TRPC5: variants seen among roughly 807,000 people sequenced by gnomAD.
The protein encoded by TRPC5 is transient receptor potential cation channel subfamily C member 5.
In TRPC5, 9 loss-of-function variants were observed where a neutral mutation model predicts 56.5. The ratio of observed to expected loss-of-function variants is 0.16; its 90% confidence interval spans 0.10 to 0.28. The LOEUF (loss-of-function observed/expected upper bound fraction) is 0.28, where lower values mean the gene tolerates loss of function less well. TRPC5 is among the 10% of genes least tolerant of loss of function. The pLI, the probability that TRPC5 is intolerant of heterozygous loss-of-function variation, is 1.00. For synonymous variants in TRPC5, 282 were observed against 278.5 expected (o/e 1.01, Z -0.13); for missense variants, 469 against 748.9 (o/e 0.63, Z 4.36).
chrX:112,060,449 C>T (rs995662370), intron 1 of TRPC5, among the ~76,000 whole-genome samples: 1 of 112,099 alleles, frequency 8.9e-6, no homozygotes, highest in Non-Finnish European at 1.9e-5. Context: ...GTAATGTTTT[C>T]CAATATTAAT....
chrX:111,901,059 G>A (rs1273194203), intron 3 of TRPC5, among the ~76,000 whole-genome samples: 8 of 111,256 alleles, frequency 7.2e-5, no homozygotes, highest in Admixed American at 3.8e-4. Flanking sequence ...AATTATCAAG[G>A]AACTAGTTTT....
intron 7 of TRPC5, among the ~76,000 whole-genome samples, chrX:111,782,838 C>CACACACAT (rs1300584306): frequency 9.1e-6 from 1 of 110,129 alleles, no homozygotes; most frequent in Non-Finnish European, 1.9e-5. Flanking sequence ...CACACACACA[C>CACACACAT]ACATCAGTGT....
At chrX:112,004,749 AT>A (rs1377229362) in intron 1 of TRPC5, among the ~76,000 whole-genome samples, 1 of 111,532 alleles carries the variant, frequency 9.0e-6, no homozygotes, top group Non-Finnish European at 1.9e-5. Flanking sequence ...TGTGAGCAAC[AT>A]TTCAATGAGA....
chrX:111,833,907 T>C (rs1439945089), intron 7 of TRPC5, among the ~76,000 whole-genome samples: 1 of 111,599 alleles, frequency 9.0e-6, no homozygotes, highest in Non-Finnish European at 1.9e-5. Context: ...GTTTATTTAT[T>C]TTGTACTTTC....
At chrX:112,027,654 G>A (rs868469897) in intron 1 of TRPC5, among the ~76,000 whole-genome samples, 20 of 110,682 alleles carry the variant, frequency 1.8e-4, no homozygotes, top group Non-Finnish European at 3.2e-4. Context: ...CCGCCACCAC[G>A]CCTGGCTAAT....
At chrX:111,887,901 ATAAG>A (rs1275920900) in intron 3 of TRPC5, among the ~76,000 whole-genome samples, 2 of 112,217 alleles carry the variant, frequency 1.8e-5, no homozygotes, top group African/African-American at 6.5e-5. Flanking sequence ...ATCATAATAA[ATAAG>A]TAAGCTATAC....
chrX:112,017,688 C>A (rs1419345806), intron 1 of TRPC5, among the ~76,000 whole-genome samples: 2 of 111,468 alleles, frequency 1.8e-5, no homozygotes, highest in Non-Finnish European at 3.8e-5. Flanking sequence ...ATCCACACAC[C>A]AGCAGCGTCT....
At chrX:111,913,745 G>A (rs1238411288) in intron 2 of TRPC5, among the ~76,000 whole-genome samples, 1 of 111,190 alleles carries the variant, frequency 9.0e-6, no homozygotes, top group Non-Finnish European at 1.9e-5. Context: ...CGGATCATGA[G>A]GTCAAGAGAT....
intron 3 of TRPC5, among the ~76,000 whole-genome samples, chrX:111,886,495 C>A (rs143182863): frequency 9.0e-6 from 1 of 111,403 alleles, no homozygotes; most frequent in Non-Finnish European, 1.9e-5. Context: ...TGAATTGTTG[C>A]ATGCTGTTTC....
chrX:111,977,530 G>T (rs760687893), intron 1 of TRPC5, among the ~76,000 whole-genome samples: 34 of 111,609 alleles, frequency 3.0e-4, no homozygotes, highest in Middle Eastern at 9.3e-3. Flanking sequence ...AAAACATAGG[G>T]AAAAACCTTC....
chrX:111,972,192 A>G (rs1927803213), intron 1 of TRPC5, among the ~76,000 whole-genome samples: 1 of 111,513 alleles, frequency 9.0e-6, no homozygotes, highest in Non-Finnish European at 1.9e-5. Context: ...TCCAGAGATG[A>G]TTCTTTCCTT....
At chrX:111,791,071 TC>T (rs747790422) in intron 7 of TRPC5, among the ~76,000 whole-genome samples, 1 of 70,561 alleles carries the variant, frequency 1.4e-5, no homozygotes, top group East Asian at 5.4e-4. Context: ...CCCTCTCACC[TC>T]CTCAGGGAAC....
At position 111,772,904 on chromosome X, in the gene TRPC5, T is replaced by C. The variant is rs1414005698; in HGVS notation, c.*3409A>G. On this transcript the variant is annotated 3_prime_UTR_variant, in exon 11 of 11. Transcript: ENST00000262839. ...CCAATGGTCATTTGTATTTTCAGGC[T>C]AAGGTTTGGCCTCATATTTATCTCT... is the stretch of plus-strand genomic sequence containing the variant. 9.0e-6 allele frequency among the ~76,000 whole-genome samples: 1 copy of C among 111,550 alleles called. No homozygotes were observed. The highest frequency in any genetic ancestry group is 3.3e-5 in the African/African-American group (1 of 30,731).
intron 3 of TRPC5, among the ~76,000 whole-genome samples, chrX:111,886,386 A>G (rs1190457610): frequency 8.9e-6 from 1 of 112,832 alleles, no homozygotes; most frequent in East Asian, 2.8e-4. Context: ...TTCATGTTTC[A>G]GTGATGTTTG....
At chrX:111,968,804 A>T (rs1336515589) in intron 1 of TRPC5, among the ~76,000 whole-genome samples, 1 of 76,281 alleles carries the variant, frequency 1.3e-5, no homozygotes, top group East Asian at 4.7e-4. Flanking sequence ...GAAGGGAAAC[A>T]TCACACTCTG....
intron 1 of TRPC5, among the ~76,000 whole-genome samples, chrX:111,983,458 G>A (rs1603130313): frequency 9.0e-6 from 1 of 110,963 alleles, no homozygotes; most frequent in African/African-American, 3.3e-5. Context: ...CCTTTGGTGA[G>A]CATTTACATG....
At chrX:111,786,370 G>A (rs1367406078) in intron 7 of TRPC5, among the ~76,000 whole-genome samples, 4 of 111,420 alleles carry the variant, frequency 3.6e-5, no homozygotes, top group Non-Finnish European at 7.5e-5. Flanking sequence ...AATGCTGAGA[G>A]ATTTTGTCAC....
intron 1 of TRPC5, among the ~76,000 whole-genome samples, chrX:112,079,817 A>G (rs1202462926): frequency 9.0e-6 from 1 of 111,528 alleles, no homozygotes; most frequent in East Asian, 2.8e-4. Flanking sequence ...GTATCAGTGA[A>G]GCCGGGGGCT....
At chrX:112,023,245 T>TG (rs1929326376) in intron 1 of TRPC5, among the ~76,000 whole-genome samples, 1 of 97,066 alleles carries the variant, frequency 1.0e-5, no homozygotes, top group African/African-American at 4.3e-5. Flanking sequence ...TTTTTTTTTT[T>TG]GTTTTTTTTT....
Sources: gnomAD v4.1 joint callset for allele counts (sites outside exome capture counted in the v4.1 genomes callset) on GRCh38, gnomAD v4.1.1 for gene constraint, MANE v1.5 for transcripts, NCBI Gene and HGNC (gene_info 2026-07-23, HGNC 2026-07-21) for gene names.